The following ADARB1 variants were observed in gnomAD, a reference collection of about 807,000 sequenced individuals.
ADARB1 encodes the protein double-stranded RNA-specific editase 1.
A neutral mutation model predicts 52.4 loss-of-function variants in ADARB1; 10 were observed. That is an observed-to-expected ratio of 0.19 (90% CI 0.12 to 0.32). The LOEUF is 0.32. Ranked by LOEUF, ADARB1 falls within the 10% of genes least tolerant of loss-of-function variation. ADARB1 has a pLI of 1.00. For missense variants in ADARB1, 643 were observed against 922.3 expected, an observed-to-expected ratio of 0.70 and a Z score of 3.92; for synonymous variants, 349 against 371.1, an observed-to-expected ratio of 0.94 and a Z score of 0.68.
rs1307577665 is a variant in ADARB1 at position 45,208,412 on chromosome 21, C to T, written c.1747+3676C>T. ...GTGAAGAGCTTGCATTTAGGTATCTCTGGGAGGACAGCACAGGGACCCAAG... is the reference window on the plus strand; with the variant it reads ...GTGAAGAGCTTGCATTTAGGTATCTTTGGGAGGACAGCACAGGGACCCAAG... On this transcript the variant is annotated intron_variant, in intron 9 of 10. Transcript: ENST00000348831. The surrounding 1 kb of genome is among the most constrained non-coding windows in gnomAD (Gnocchi z 5.6). Among the ~76,000 whole-genome samples the T allele has an allele frequency of 2.6e-5, 4 of 152,288 alleles. No homozygotes were observed. The highest frequency in any genetic ancestry group is 9.6e-5 in the African/African-American group (4 of 41,568).
chr21:45,084,192 T>G (rs2123644635), intron 1 of ADARB1, among the ~76,000 whole-genome samples: 1 of 152,344 alleles, frequency 6.6e-6, no homozygotes, highest in East Asian at 1.9e-4. Context: ...TTCTCTCCAT[T>G]TCTGGAAGAC....
At chr21:45,148,796 G>A (rs1204290837) in intron 2 of ADARB1, among the ~76,000 whole-genome samples, 10 of 152,182 alleles carry the variant, frequency 6.6e-5, no homozygotes, top group Admixed American at 6.5e-4. Context: ...GCCCAGCCCA[G>A]CTCCCTGGCC....
chr21:45,186,655 C>A (rs576681478), intron 8 of ADARB1, among the ~76,000 whole-genome samples: 10 of 152,134 alleles, frequency 6.6e-5, no homozygotes, highest in Non-Finnish European at 1.0e-4. Flanking sequence ...CATCTTACAC[C>A]TTCTTTGAGT....
chr21:45,206,389 A>C (rs2092665745), intron 9 of ADARB1, among the ~76,000 whole-genome samples: 1 of 152,208 alleles, frequency 6.6e-6, no homozygotes, highest in Non-Finnish European at 1.5e-5. Flanking sequence ...ATTTTCTAAG[A>C]TATTGAAAGT....
chr21:45,153,024 C>T (rs866957677), intron 2 of ADARB1, among the ~76,000 whole-genome samples: 8 of 152,142 alleles, frequency 5.3e-5, no homozygotes, highest in Admixed American at 2.6e-4. Context: ...GGTTTTTCTC[C>T]CAGAGACAGA....
chr21:45,192,832 A>T (rs565134068), intron 8 of ADARB1, among the ~76,000 whole-genome samples: 1 of 152,368 alleles, frequency 6.6e-6, no homozygotes, highest in South Asian at 2.1e-4. Flanking sequence ...GACAATTTAG[A>T]TGAAATGGAC....
chr21:45,120,594 G>A (rs531500469), intron 1 of ADARB1, among the ~76,000 whole-genome samples: 1 of 152,070 alleles, frequency 6.6e-6, no homozygotes, highest in African/African-American at 2.4e-5. Flanking sequence ...GCCTTATCAC[G>A]GACACACTAG....
intron 2 of ADARB1, among the ~76,000 whole-genome samples, chr21:45,139,744 C>T (rs766535649): frequency 1.9e-4 from 29 of 152,178 alleles, no homozygotes; most frequent in Non-Finnish European, 3.8e-4. Flanking sequence ...CTTATGCTAT[C>T]GCCAGCCTTT....
intron 5 of ADARB1, among the ~76,000 whole-genome samples, chr21:45,181,032 C>G (rs2091912977): frequency 1.3e-5 from 2 of 152,290 alleles, no homozygotes; most frequent in African/African-American, 4.8e-5. Context: ...AAGCCACATC[C>G]TTGGCCAGTG....
intron 2 of ADARB1, among the ~76,000 whole-genome samples, chr21:45,171,345 ATCCC>A (rs2146113959): frequency 6.6e-6 from 1 of 152,124 alleles, no homozygotes; most frequent in South Asian, 2.1e-4. Flanking sequence ...CACCCTCATC[ATCCC>A]TCCATGTGGG....
intron 3 of ADARB1, 28 bp from the exon 4 acceptor site, chr21:45,175,702 T>C (rs2091664912): frequency 7.5e-6 from 12 of 1,610,130 alleles, no homozygotes; most frequent in Non-Finnish European, 1.0e-5. Context: ...ACGAAGGCAT[T>C]GTAAGTTACT....
chr21:45,078,463 C>T (rs2086029152), intron 1 of ADARB1, among the ~76,000 whole-genome samples: 1 of 152,168 alleles, frequency 6.6e-6, no homozygotes, highest in African/African-American at 2.4e-5. Context: ...CTAACTGCTT[C>T]AAAGGGCAAA....
rs528054478 is a variant in ADARB1, at chr21:45,083,582, A to G, written c.-220+8789A>G. ...TCTCTGAAATAATACTTATAACTAC[A>G]TCTTGACAGAAACAAGAATATTTCG... On this transcript the variant is annotated intron_variant, in intron 1 of 10. Coordinates refer to ENST00000348831, the MANE Select transcript of ADARB1 (RefSeq NM_001112.4). 1.8e-4 allele frequency among the ~76,000 whole-genome samples: 27 copies of G among 152,248 alleles called. 1 individual carries two copies. Among genetic ancestry groups the G allele is most frequent in the Non-Finnish European group, 2.8e-4 (19 of 68,044 alleles).
chr21:45,135,640 C>G (rs58468220), intron 2 of ADARB1, among the ~76,000 whole-genome samples: 1 of 152,042 alleles, frequency 6.6e-6, no homozygotes, highest in African/African-American at 2.4e-5. Flanking sequence ...TAATTTAGGT[C>G]GAAAAGCAAA....
At chr21:45,206,840 C>T (rs1185516138) in intron 9 of ADARB1, among the ~76,000 whole-genome samples, 2 of 152,164 alleles carry the variant, frequency 1.3e-5, no homozygotes, top group African/African-American at 4.8e-5. Flanking sequence ...TCTCAAAGTG[C>T]TAGGATTACA....
In ADARB1 at chr21:45,107,289, T is replaced by G. The variant is rs112030050; in HGVS notation, c.-219-21113T>G. ...GCTTGGCTCATTAAGATGTCAGTTG[T>G]CAGGTAATTTTCAAATTTAATGTGA... On this transcript the variant is annotated intron_variant, in intron 1 of 10. Transcript: ENST00000348831. Among the ~76,000 whole-genome samples the G allele has an allele frequency of 2.3e-3, 352 of 152,304 alleles. 2 individuals carry two copies. Among genetic ancestry groups the G allele is most frequent in the African/African-American group, 7.6e-3 (318 of 41,574 alleles).
intron 9 of ADARB1, among the ~76,000 whole-genome samples, chr21:45,216,496 TATTTAGAAGTCTGCTATTTAGTTTCAA>T (rs1358187804): frequency 6.6e-6 from 1 of 152,150 alleles, no homozygotes; most frequent in Non-Finnish European, 1.5e-5. Context: ...TCCCTTGGGT[TATTTAGAAGTCTGCTATTTAGTTTCAA>T]AATACTAGGG....
intron 1 of ADARB1, among the ~76,000 whole-genome samples, chr21:45,124,193 A>C (rs2088407135): frequency 6.6e-6 from 1 of 152,232 alleles, no homozygotes; most frequent in Admixed American, 6.5e-5. Context: ...CGATGTTTAC[A>C]CTGTATTTGT....
chr21:45,109,847 CT>C (rs2145747981), intron 1 of ADARB1, among the ~76,000 whole-genome samples: 1 of 152,162 alleles, frequency 6.6e-6, no homozygotes, highest in East Asian at 1.9e-4. Context: ...CCTTTGAAAA[CT>C]TTCTGTGTGC....
Sources: gnomAD v4.1 joint callset for allele counts (sites outside exome capture counted in the v4.1 genomes callset) on GRCh38, gnomAD v4.1.1 for gene constraint, Gnocchi (gnomAD v3.1) non-coding constraint, MANE v1.5 for transcripts, NCBI Gene and HGNC (gene_info 2026-07-23, HGNC 2026-07-21) for gene names.